Variants in CYP1A2 observed in about 807,000 individuals in gnomAD.
The protein encoded by CYP1A2 is cytochrome P450 family 1 subfamily A member 2, also known as cytochrome P450 1A2.
CYP1A2 carries 35 observed loss-of-function variants against 34.7 expected under a neutral mutation model. The ratio of observed to expected loss-of-function variants is 1.01; its 90% CI spans 0.77 to 1.34. The LOEUF is 1.34. Ranked by LOEUF, CYP1A2 falls within the 40% of genes most tolerant of loss-of-function variation. CYP1A2 has a pLI of 0.00. For synonymous variants in CYP1A2, 288 were observed against 281.9 expected, an observed-to-expected ratio of 1.02 and a Z score of -0.22; for missense variants, 675 against 675.8, an observed-to-expected ratio of 1.00 and a Z score of 0.01.
chr15:74,751,437 C>A, intron 3 of CYP1A2, 128 bp downstream of exon 3: 1 of 1,396,332 alleles, frequency 7.2e-7, no homozygotes, highest in Non-Finnish European at 9.8e-7. Context: ...TGAGATCTGG[C>A]TTGGGATCAG....
rs566196098 is a variant in CYP1A2, at chr15:74,751,971, GC to G, written c.1042+119del. 2.3e-3 allele frequency: 3,508 copies of G among 1,497,006 alleles called. 11 individuals carry two copies. The highest frequency in any genetic ancestry group is 0.014 in the Middle Eastern group (73 of 5,234). 92.7% of individuals were successfully genotyped at this position (1,497,006 alleles called of 1,614,324 possible). On this transcript the variant is annotated intron_variant, in intron 4 of 6. Transcript: ENST00000343932. The stretch of plus-strand genomic sequence containing the variant: ...GTGCAAGCCCTGGGCACACAGTAGT[GC>G]CTGCCCTTGCCTAGAAGATGTGGGA...
rs2063316754 is a variant in CYP1A2 at position 74,751,831 on chromosome 15, A to T, written c.1019A>T (p.Gln340Leu). 6.2e-7 allele frequency: 1 copy of T among 1,614,024 alleles called. No individual in the cohort carries two copies. Reference sequence around the variant, plus strand: ...TACCTTGTGACCAAGCCTGAGATACAGAGGAAGATCCAGAAGGAGCTGGGT... The same window carrying T: ...TACCTTGTGACCAAGCCTGAGATACTGAGGAAGATCCAGAAGGAGCTGGGT... Reference protein sequence around the residue: ...LMYLVTKPEIQRKIQKELDTV... With the variant: ...LMYLVTKPEILRKIQKELDTV... Residue 340 changes from glutamine to leucine, a missense_variant, in exon 4 of 7, where the codon CAG becomes CTG. Gln to Leu is a moderately radical substitution (Grantham distance 113, BLOSUM62 -2). Transcript: ENST00000343932.
At chr15:74,749,463 A>G (rs1304146318) in intron 1 of CYP1A2, among the ~76,000 whole-genome samples, 1 of 152,140 alleles carries the variant, frequency 6.6e-6, no homozygotes, top group African/African-American at 2.4e-5. Context: ...CCAGCCCCAG[A>G]AGTGGAAACT....
rs775258473 is a variant in CYP1A2, at chr15:74,750,510, C to T, written c.772C>T (p.Gln258Ter). 1.2e-6 allele frequency: 2 copies of T among 1,614,208 alleles called. No homozygotes were observed. The highest frequency in any genetic ancestry group is 1.1e-5 in the South Asian group (1 of 91,088). The change falls in exon 2 of 7, where the codon CAG becomes TAG. Residue 258 changes from glutamine to a stop codon, truncating the protein, a stop_gained. Coordinates refer to ENST00000343932, the MANE Select transcript of CYP1A2 (RefSeq NM_000761.5). LOFTEE classifies it high-confidence loss of function. ...PALQRFKAFN[Q>*]RFLWFLQKTV... Reference sequence around the variant, plus strand: ...CCTGCAGAGGTTCAAGGCCTTCAACCAGAGGTTCCTGTGGTTCCTGCAGAA... The same window carrying T: ...CCTGCAGAGGTTCAAGGCCTTCAACTAGAGGTTCCTGTGGTTCCTGCAGAA...
At position 74,752,140 on chromosome 15, in the gene CYP1A2, G is replaced by C; in HGVS notation, c.1059G>C (p.Arg353Ser). 1.2e-6 allele frequency: 2 copies of C among 1,614,028 alleles called. No homozygotes were observed. The highest frequency in any genetic ancestry group is 1.7e-6 in the Non-Finnish European group (2 of 1,179,966). ...IQKELDTVIG[R>S]ERRPRLSDRP... is the part of the protein sequence containing the mutation. ...GTTCTACAGACACTGTGATTGGCAG[G>C]GAGCGGCGGCCCCGGCTCTCTGACA... Residue 353 changes from arginine (R) to serine (S), a missense_variant, in exon 5 of 7, where the codon AGG becomes AGC. Physicochemically the swap from Arg to Ser is moderately radical, Grantham distance 110 (BLOSUM62 -1). Coordinates refer to ENST00000343932, the MANE Select transcript of CYP1A2 (RefSeq NM_000761.5).
Position 74,750,102 on chromosome 15 carries a change from A to G in CYP1A2, c.364A>G (p.Ser122Gly). 6.2e-7 allele frequency: 1 copy of G among 1,614,018 alleles called. No individual in the cohort carries two copies. The highest frequency in any genetic ancestry group is 8.5e-7 in the Non-Finnish European group (1 of 1,180,022). Reference protein sequence around the residue: ...YTSTLITDGQSLTFSTDSGPV... With the variant: ...YTSTLITDGQGLTFSTDSGPV... ...CTCCACCCTCATCACTGATGGCCAG[A>G]GCTTGACCTTCAGCACAGACTCTGG... The change falls in exon 2 of 7, where the codon AGC becomes GGC. Residue 122 changes from serine to glycine, a missense_variant. By Grantham distance (56) the Ser-to-Gly change is moderately conservative (BLOSUM62 0). Transcript: ENST00000343932.
At chr15:74,750,770 C>T (rs1193929320) in intron 2 of CYP1A2, among the ~76,000 whole-genome samples, 1 of 152,158 alleles carries the variant, frequency 6.6e-6, no homozygotes, top group Non-Finnish European at 1.5e-5. Context: ...GCCCCCTTCT[C>T]AGGGCTCCTC....
intron 6 of CYP1A2, among the ~76,000 whole-genome samples, chr15:74,753,727 C>A (rs1175356007): frequency 1.7e-5 from 2 of 114,446 alleles, no homozygotes; most frequent in East Asian, 5.0e-4. Flanking sequence ...GAGTGAGACT[C>A]TGCCTCAAAA....
intron 5 of CYP1A2, among the ~76,000 whole-genome samples, 195 bp from the exon 6 acceptor site, chr15:74,752,989 A>T (rs904083013): frequency 1.3e-5 from 2 of 150,676 alleles, no homozygotes; most frequent in African/African-American, 4.9e-5. Flanking sequence ...AAGTTTAGTA[A>T]ATACTTGCTG....
At position 74,750,405 on chromosome 15, in the gene CYP1A2, AC is replaced by A; in HGVS notation, c.668del (p.Thr223IlefsTer112). 6.2e-7 allele frequency: 1 copy of A among 1,614,034 alleles called. No homozygotes were observed. Among genetic ancestry groups the A allele is most frequent in the Non-Finnish European group, 8.5e-7 (1 of 1,179,996 alleles). ...TGAGATGCTCAGCCTCGTGAAGAACACTCATGAGTTCGTGGAGACTGCCTCC... is the reference window on the plus strand; with the variant it reads ...TGAGATGCTCAGCCTCGTGAAGAACATCATGAGTTCGTGGAGACTGCCTCC... ...SDEMLSLVKN[T>X]HEFVETASSG... is the part of the protein sequence containing the mutation. On this transcript the variant is annotated frameshift_variant, in exon 2 of 7. Coordinates refer to ENST00000343932, the MANE Select transcript of CYP1A2 (RefSeq NM_000761.5). LOFTEE classifies it high-confidence loss of function.
At chr15:74,754,046 A>C (rs2063327692) in intron 6 of CYP1A2, among the ~76,000 whole-genome samples, 1 of 152,092 alleles carries the variant, frequency 6.6e-6, no homozygotes, top group Non-Finnish European at 1.5e-5. Flanking sequence ...GGATGAAGAA[A>C]CGTATGTCTT....
At chr15:74,751,343 A>C (rs990290810) in intron 3 of CYP1A2, 34 bp downstream of exon 3, 1 of 1,612,038 alleles carries the variant, frequency 6.2e-7, no homozygotes, top group Non-Finnish European at 8.5e-7. Context: ...CCATCCAACA[A>C]TGCCTGCTGT....
chr15:74,752,213 C>A lies in CYP1A2; in HGVS notation c.1132C>A (p.His378Asn). The change falls in exon 5 of 7, where the codon CAC becomes AAC. Residue 378 changes from histidine (H) to asparagine (N), a missense_variant. Transcript: ENST00000343932. ...LEAFILETFR[H>N]SSFLPFTIPH... is the part of the protein sequence containing the mutation. ...GGCCTTCATCCTGGAGACCTTCCGA[C>A]ACTCCTCCTTCTTGCCCTTCACCAT... The A allele has an allele frequency of 1.2e-6, 2 of 1,614,056 alleles. No individual in the cohort carries two copies. Among genetic ancestry groups the A allele is most frequent in the Non-Finnish European group, 1.7e-6 (2 of 1,179,974 alleles).
chr15:74,753,072 G>C, intron 5 of CYP1A2, 112 bp from the exon 6 acceptor site: 1 of 719,128 alleles, frequency 1.4e-6, no homozygotes, highest in South Asian at 1.7e-5. Context: ...TCCCCTCCCA[G>C]TGTAGGGATG....
intron 5 of CYP1A2, 128 bp downstream of exon 5, chr15:74,752,375 G>C (rs2063320323): frequency 1.3e-5 from 17 of 1,342,454 alleles, no homozygotes; most frequent in Non-Finnish European, 1.3e-5. Flanking sequence ...CCCGGCCTCA[G>C]TCTGCCCCCA....
rs900263420 is a variant in CYP1A2, at chr15:74,751,691, A to G, written c.953-74A>G. 5.6e-6 allele frequency: 8 copies of G among 1,419,134 alleles called. No individual in the cohort carries two copies. The African/African-American group carries it at 1.1e-4, about 20-fold the overall frequency. The allele number at this position is 1,419,134 out of a possible 1,614,324, so 87.9% of individuals were successfully genotyped here. Reference sequence around the variant, plus strand: ...GAAAGCTAATGCTGGATACATACATAGCAGATACTTGGGAAATGATGGTTT... The same window carrying G: ...GAAAGCTAATGCTGGATACATACATGGCAGATACTTGGGAAATGATGGTTT... On this transcript the variant is annotated intron_variant, in intron 3 of 6. Transcript: ENST00000343932.
Position 74,755,383 on chromosome 15 carries a change from A to C in CYP1A2, c.*295A>C. 1 of 234,868 alleles carries C rather than the reference A, an allele frequency of 4.3e-6. No homozygotes were observed. Among genetic ancestry groups the C allele is most frequent in the Non-Finnish European group, 8.2e-6 (1 of 122,526 alleles). The allele number at this position is 234,868 out of a possible 1,614,324, so 14.5% of individuals were successfully genotyped here. A position where few individuals can be genotyped will look rare whatever the true frequency, so the allele number is the denominator to read the frequency against. On this transcript the variant is annotated 3_prime_UTR_variant, in exon 7 of 7. Coordinates refer to ENST00000343932, the MANE Select transcript of CYP1A2 (RefSeq NM_000761.5). ...AAAACAAACAAACAAAAAAAAAACC[A>C]TATATATACATATATATATAGCAGC...
In CYP1A2 at chr15:74,750,314, G is replaced by A. The variant is rs1257121977; in HGVS notation, c.576G>A (p.Val192=). ...GPGHFDPYNQ[V]VVSVANVIGA... Reference sequence around the variant, plus strand: ...GGCACTTCGACCCTTACAATCAGGTGGTGGTGTCAGTGGCCAACGTCATTG... The same window carrying A: ...GGCACTTCGACCCTTACAATCAGGTAGTGGTGTCAGTGGCCAACGTCATTG... The change falls in exon 2 of 7, where the codon GTG becomes GTA. Residue 192 remains valine, a synonymous_variant. Transcript: ENST00000343932. 5.6e-6 allele frequency: 9 copies of A among 1,613,814 alleles called. No individual in the cohort carries two copies. Among genetic ancestry groups the A allele is most frequent in the Middle Eastern group, 1.6e-4 (1 of 6,084 alleles).
chr15:74,752,174 C>T lies in CYP1A2; in HGVS notation c.1093C>T (p.Leu365=). ...RRPRLSDRPQ[L]PYLEAFILET... is the part of the protein sequence containing the mutation. Reference sequence around the variant, plus strand: ...GCCCCGGCTCTCTGACAGACCCCAGCTGCCCTACTTGGAGGCCTTCATCCT... The same window carrying T: ...GCCCCGGCTCTCTGACAGACCCCAGTTGCCCTACTTGGAGGCCTTCATCCT... Residue 365 remains leucine (L), a synonymous_variant, in exon 5 of 7, where the codon CTG becomes TTG. Coordinates refer to ENST00000343932, the MANE Select transcript of CYP1A2 (RefSeq NM_000761.5). 1 of 1,614,104 alleles carries T rather than the reference C, an allele frequency of 6.2e-7. No homozygotes were observed. The highest frequency in any genetic ancestry group is 2.2e-5 in the East Asian group (1 of 44,884).
Sources: gnomAD v4.1 joint callset for allele counts (sites outside exome capture counted in the v4.1 genomes callset) on GRCh38, gnomAD v4.1.1 for gene constraint, MANE v1.5 for transcripts, NCBI Gene and HGNC (gene_info 2026-07-23, HGNC 2026-07-21) for gene names.